GRID1: variants seen among roughly 807,000 people sequenced by gnomAD.
GRID1 encodes glutamate receptor ionotropic, delta-1.
A neutral mutation model predicts 98.0 loss-of-function variants in GRID1; 28 were observed. The ratio of observed to expected loss-of-function variants is 0.29; its 90% confidence interval spans 0.21 to 0.39. The LOEUF is 0.39. GRID1 is among the 10% of genes least tolerant of loss of function. The pLI is 1.00. For synonymous variants in GRID1, 553 were observed against 538.5 expected (o/e 1.03, Z -0.37); for missense variants, 1,111 against 1,340.5 (o/e 0.83, Z 2.67).
intron 9 of GRID1, 75 bp from the exon 10 acceptor site, chr10:85,728,127 G>T: frequency 9.4e-7 from 1 of 1,059,276 alleles, no homozygotes; most frequent in Non-Finnish European, 1.5e-6. Context: ...TAATGTTAGA[G>T]AGAAAGATCT....
chr10:86,360,170 A>T (rs11201994), intron 2 of GRID1, among the ~76,000 whole-genome samples: 43,854 of 141,730 alleles, frequency 0.31, 6,976 homozygotes, highest in South Asian at 0.5. Context: ...TCCCTTTTAT[A>T]AAAAAAAAAG....
intron 2 of GRID1, among the ~76,000 whole-genome samples, chr10:86,239,526 G>A (rs1263000672): frequency 6.6e-6 from 1 of 152,178 alleles, no homozygotes; most frequent in Non-Finnish European, 1.5e-5. Context: ...AATATGGTTT[G>A]GATTTGTGTC....
At chr10:86,087,909 TCCCCA>T (rs1378734337) in intron 4 of GRID1, among the ~76,000 whole-genome samples, 1 of 152,088 alleles carries the variant, frequency 6.6e-6, no homozygotes, top group Non-Finnish European at 1.5e-5. Context: ...TGCTAGTTCC[TCCCCA>T]CCCCCTCTGT....
chr10:86,350,450 A>G (rs1292159322), intron 2 of GRID1, among the ~76,000 whole-genome samples: 1 of 152,090 alleles, frequency 6.6e-6, no homozygotes, highest in African/African-American at 2.4e-5. Flanking sequence ...AGGTGGAGAG[A>G]ACCACACAAA....
At chr10:86,231,418 C>A (rs937438429) in intron 2 of GRID1, among the ~76,000 whole-genome samples, 1 of 152,172 alleles carries the variant, frequency 6.6e-6, no homozygotes, top group Non-Finnish European at 1.5e-5. Flanking sequence ...GCTCTAATGG[C>A]CCCTGATCCA....
chr10:86,165,345 G>T (rs1193234051), intron 3 of GRID1, among the ~76,000 whole-genome samples: 1 of 152,224 alleles, frequency 6.6e-6, no homozygotes, highest in Non-Finnish European at 1.5e-5. Flanking sequence ...CAAGGTTTCT[G>T]GAGGAAAATG....
At chr10:85,959,087 C>G (rs7920771) in intron 4 of GRID1, among the ~76,000 whole-genome samples, 85,040 of 152,098 alleles carry the variant, frequency 0.56, 24,709 homozygotes, top group African/African-American at 0.72. Context: ...GAACTGAATC[C>G]TCTTTCAGAC....
At chr10:86,011,475 C>T (rs761342953) in intron 4 of GRID1, among the ~76,000 whole-genome samples, 2 of 151,960 alleles carry the variant, frequency 1.3e-5, no homozygotes, top group Non-Finnish European at 2.9e-5. Flanking sequence ...TTATGAAAAG[C>T]ATGAAGAGAT....
At chr10:86,050,887 A>G (rs541245067) in intron 4 of GRID1, among the ~76,000 whole-genome samples, 1 of 146,710 alleles carries the variant, frequency 6.8e-6, no homozygotes, top group African/African-American at 2.7e-5. Flanking sequence ...AGAACCAGGA[A>G]AAAAAGTTAA....
intron 4 of GRID1, among the ~76,000 whole-genome samples, chr10:86,093,434 G>T (rs570581328): frequency 6.8e-6 from 1 of 147,526 alleles, no homozygotes. Context: ...TCTTTGAAAA[G>T]ATAAATAAAA....
intron 2 of GRID1, among the ~76,000 whole-genome samples, chr10:86,241,411 GCC>G (rs879447281): frequency 0.012 from 1,824 of 149,784 alleles, 28 homozygotes; most frequent in African/African-American, 0.042. Context: ...TTACAGGGGG[GCC>G]CCCTACAGCC....
At chr10:85,783,783 A>C (rs975031570) in intron 8 of GRID1, among the ~76,000 whole-genome samples, 4 of 152,164 alleles carry the variant, frequency 2.6e-5, no homozygotes, top group African/African-American at 9.7e-5. Context: ...GCATGGCCAG[A>C]ATTGTTTTAC....
At chr10:86,122,512 C>A (rs1844691557) in intron 4 of GRID1, among the ~76,000 whole-genome samples, 1 of 152,226 alleles carries the variant, frequency 6.6e-6, no homozygotes, top group African/African-American at 2.4e-5. Context: ...AATGAGCAGC[C>A]CTGGAGCTGG....
rs183761050 is a variant in GRID1 at position 86,152,926 on chromosome 10, C to T, written c.521-13902G>A. ...TTCTTTAAATTATGTATTTAATTTA[C>T]ATAATTACTTTCTGATATTTACTCG... is the stretch of plus-strand genomic sequence containing the variant. On this transcript the variant is annotated intron_variant, in intron 3 of 15. Transcript: ENST00000327946. Among the ~76,000 whole-genome samples, 239 of 152,342 alleles carry T rather than the reference C, an allele frequency of 1.6e-3. 1 individual carries two copies. Among genetic ancestry groups the T allele is most frequent in the Admixed American group, 3.1e-3 (47 of 15,308 alleles).
chr10:86,104,866 G>C (rs1308448949), intron 4 of GRID1, among the ~76,000 whole-genome samples: 1 of 152,228 alleles, frequency 6.6e-6, no homozygotes. Context: ...GAAGTGCCTA[G>C]GGTGTGCGAC....
At chr10:85,891,264 C>A (rs1841196406) in intron 5 of GRID1, among the ~76,000 whole-genome samples, 1 of 151,838 alleles carries the variant, frequency 6.6e-6, no homozygotes, top group Admixed American at 6.6e-5. Context: ...AAAAAATTAC[C>A]ACAAAAAACT....
At chr10:85,966,502 T>C (rs1441147463) in intron 4 of GRID1, among the ~76,000 whole-genome samples, 2 of 152,082 alleles carry the variant, frequency 1.3e-5, no homozygotes, top group Non-Finnish European at 2.9e-5. Context: ...GTAAAAATTA[T>C]ATTGATTAAA....
intron 4 of GRID1, among the ~76,000 whole-genome samples, chr10:86,106,690 T>C (rs1305270619): frequency 6.6e-6 from 1 of 151,828 alleles, no homozygotes; most frequent in Non-Finnish European, 1.5e-5. Context: ...TCATCAGAGA[T>C]GATCAGGAAT....
intron 5 of GRID1, among the ~76,000 whole-genome samples, chr10:85,907,199 C>A (rs956178366): frequency 6.6e-6 from 1 of 152,204 alleles, no homozygotes; most frequent in African/African-American, 2.4e-5. Context: ...GCAACCTCCA[C>A]CTCCAGGGTT....
Sources: allele counts gnomAD v4.1 joint callset (sites outside exome capture counted in the v4.1 genomes callset), GRCh38; gene constraint gnomAD v4.1.1; transcripts MANE v1.5; gene names NCBI Gene and HGNC (gene_info 2026-07-23, HGNC 2026-07-21).